Variants in FNBP1 observed in about 807,000 individuals in gnomAD.
The protein encoded by FNBP1 is formin binding protein 1, also known as formin-binding protein 1.
In FNBP1, 26 loss-of-function variants were observed where a neutral mutation model predicts 90.6. The ratio of observed to expected loss-of-function variants is 0.29; its 90% CI spans 0.21 to 0.40. FNBP1 has a LOEUF of 0.40. Among genes scored for constraint, FNBP1 ranks in the 10% least tolerant of loss-of-function variants. The probability of loss-of-function intolerance (pLI) is 1.00; values close to 1 mark genes in which losing one functional copy is unlikely to be tolerated. For synonymous variants in FNBP1, 260 were observed against 265.2 expected (o/e 0.98, Z 0.19); for missense variants, 635 against 768.0 (o/e 0.83, Z 2.05).
intron 6 of FNBP1, chr9:129,936,530 C>G (rs956233131): frequency 6.6e-6 from 1 of 152,020 alleles, no homozygotes; most frequent in African/African-American, 2.4e-5. Context: ...ATTAAACTTG[C>G]CACTTTCACA....
intron 1 of FNBP1, among the ~76,000 whole-genome samples, chr9:130,037,316 T>C (rs1271474147): frequency 1.3e-5 from 2 of 151,942 alleles, no homozygotes; most frequent in Non-Finnish European, 2.9e-5. Context: ...ATCGCGCCAC[T>C]GCACGCCAGC....
At chr9:129,988,400 C>G (rs1229623747) in intron 2 of FNBP1, among the ~76,000 whole-genome samples, 2 of 152,046 alleles carry the variant, frequency 1.3e-5, no homozygotes, top group Non-Finnish European at 2.9e-5. Context: ...ATTTCAGGGC[C>G]AGGTGCGGTG....
At chr9:129,997,272 G>A (rs906820329) in intron 1 of FNBP1, among the ~76,000 whole-genome samples, 2 of 152,098 alleles carry the variant, frequency 1.3e-5, no homozygotes, top group African/African-American at 4.8e-5. Flanking sequence ...AGGTTGCAGT[G>A]AGTCAAGATC....
intron 1 of FNBP1, among the ~76,000 whole-genome samples, chr9:130,007,874 G>C (rs984369349): frequency 1.3e-5 from 2 of 151,854 alleles, no homozygotes; most frequent in Non-Finnish European, 2.9e-5. Flanking sequence ...AAATTAGCTG[G>C]GTATGGTGGC....
At chr9:130,008,564 CTCTTTATA>C (rs1400901383) in intron 1 of FNBP1, among the ~76,000 whole-genome samples, 1 of 152,100 alleles carries the variant, frequency 6.6e-6, no homozygotes, top group East Asian at 1.9e-4. Flanking sequence ...CAAAATCTTG[CTCTTTATA>C]ATTTAAAAAA....
At chr9:129,898,220 G>A (rs1275851955) in intron 15 of FNBP1, among the ~76,000 whole-genome samples, 2 of 152,024 alleles carry the variant, frequency 1.3e-5, no homozygotes, top group South Asian at 2.1e-4. Flanking sequence ...TGACTGCATC[G>A]ACACCCTGCT....
intron 12 of FNBP1, among the ~76,000 whole-genome samples, chr9:129,907,240 T>C (rs1236347278): frequency 1.3e-5 from 2 of 152,230 alleles, no homozygotes; most frequent in East Asian, 1.9e-4. Context: ...GTAGATAGCA[T>C]ACATTGCTTT....
At chr9:129,968,128 C>T (rs2048896789) in intron 4 of FNBP1, among the ~76,000 whole-genome samples, 1 of 152,148 alleles carries the variant, frequency 6.6e-6, no homozygotes, top group Non-Finnish European at 1.5e-5. Context: ...GGCATGGTGG[C>T]TCATGCCTGT....
intron 12 of FNBP1, among the ~76,000 whole-genome samples, chr9:129,908,055 C>G (rs994382047): frequency 3.9e-5 from 6 of 151,910 alleles, no homozygotes; most frequent in Non-Finnish European, 7.4e-5. Context: ...AAACAGCTCA[C>G]TGCAGCCTCC....
At chr9:130,030,104 G>A (rs545209020) in intron 1 of FNBP1, among the ~76,000 whole-genome samples, 1 of 152,032 alleles carries the variant, frequency 6.6e-6, no homozygotes, top group African/African-American at 2.4e-5. Flanking sequence ...GAATATAATC[G>A]CAGGCATGAA....
rs2034818378 is a variant in FNBP1, at chr9:129,887,430, T to A, written c.*3109A>T. 1 of 199,758 alleles carries A rather than the reference T, an allele frequency of 5.0e-6. No individual in the cohort carries two copies. Among genetic ancestry groups the A allele is most frequent in the Non-Finnish European group, 1.0e-5 (1 of 96,648 alleles). The allele number at this position is 199,758 out of a possible 1,614,324, so 12.4% of individuals were successfully genotyped here. ...GGTTAAAATAGAATTCTGGACCTTT[T>A]TAAAAAGTTTTTGGATGATATAAGC... On this transcript the variant is annotated 3_prime_UTR_variant, in exon 17 of 17. Transcript: ENST00000446176.
intron 16 of FNBP1, among the ~76,000 whole-genome samples, chr9:129,893,635 A>AAAG (rs2035344744): frequency 7.1e-6 from 1 of 140,266 alleles, no homozygotes; most frequent in Non-Finnish European, 1.5e-5. Context: ...AAAAAAAAAA[A>AAAG]AAGCCAGGCA....
At chr9:129,899,373 C>T (rs949084140) in intron 15 of FNBP1, among the ~76,000 whole-genome samples, 1 of 151,948 alleles carries the variant, frequency 6.6e-6, no homozygotes, top group Non-Finnish European at 1.5e-5. Flanking sequence ...CCACCATGCC[C>T]GGCCAGATCT....
chr9:129,992,965 G>A (rs530079358), intron 2 of FNBP1, among the ~76,000 whole-genome samples: 1 of 149,144 alleles, frequency 6.7e-6, no homozygotes, highest in Non-Finnish European at 1.5e-5. Context: ...GGTGGCTCAC[G>A]CCTGTAATCC....
At chr9:129,973,878 T>G (rs2049891170) in intron 4 of FNBP1, among the ~76,000 whole-genome samples, 1 of 151,506 alleles carries the variant, frequency 6.6e-6, no homozygotes, top group South Asian at 2.1e-4. Context: ...TGGTGCCATC[T>G]CAGCTCACTG....
In FNBP1 at chr9:129,947,945, G is replaced by A. The variant is rs550409454; in HGVS notation, c.513+9415C>T. On this transcript the variant is annotated intron_variant, in intron 6 of 16. Transcript: ENST00000446176. ...CTGAGTTGCATTTTTTAAAAGATAA[G>A]TCCATGAAGTCATAATTCTACTAGA... Among the ~76,000 whole-genome samples the A allele has an allele frequency of 2.7e-5, 4 of 148,270 alleles. No individual in the cohort carries two copies. The East Asian group carries it at 8.0e-4, about 30-fold the overall frequency.
intron 1 of FNBP1, among the ~76,000 whole-genome samples, chr9:130,025,829 CAGA>C (rs2058290642): frequency 6.6e-6 from 1 of 152,126 alleles, no homozygotes; most frequent in East Asian, 1.9e-4. Context: ...GAGGCTGAGG[CAGA>C]AGAACTGCTT....
At chr9:129,910,859 GTGTGTGTA>G (rs71385482) in intron 11 of FNBP1, among the ~76,000 whole-genome samples, 46,691 of 151,212 alleles carry the variant, frequency 0.31, 8,519 homozygotes, top group Non-Finnish European at 0.43. Flanking sequence ...GTGTGTGTGT[GTGTGTGTA>G]TGTGTGTGAG....
At chr9:129,893,637 A>AAAAAAAAAAAAAAAAAAAAG (rs56397008) in intron 16 of FNBP1, among the ~76,000 whole-genome samples, 25 of 62,234 alleles carry the variant, frequency 4.0e-4, no homozygotes, top group South Asian at 8.3e-4. Context: ...AAAAAAAAAA[A>AAAAAAAAAAAAAAAAAAAAG]GCCAGGCACG....
Sources: gnomAD v4.1 joint callset for allele counts (sites outside exome capture counted in the v4.1 genomes callset) on GRCh38, gnomAD v4.1.1 for gene constraint, MANE v1.5 for transcripts, NCBI Gene and HGNC (gene_info 2026-07-23, HGNC 2026-07-21) for gene names.